PARD3B: variants seen among roughly 807,000 people sequenced by gnomAD.
PARD3B encodes the protein partitioning defective 3 homolog B.
A neutral mutation model predicts 130.2 loss-of-function variants in PARD3B; 103 were observed. That is an observed-to-expected ratio of 0.79 (90% CI 0.67 to 0.93). The LOEUF is 0.93. Ranked by LOEUF, PARD3B falls within the 40% of genes least tolerant of loss-of-function variation. PARD3B has a pLI of 0.00. For missense variants in PARD3B, 1,609 were observed against 1,499.2 expected (o/e 1.07, Z -1.21); for synonymous variants, 583 against 553.2 (o/e 1.05, Z -0.76).
rs181879326 is a variant in PARD3B at position 205,244,996 on chromosome 2, G to A, written c.2141-782G>A. Among the ~76,000 whole-genome samples the A allele has an allele frequency of 2.6e-5, 4 of 152,276 alleles. No homozygotes were observed. The East Asian group carries it at 7.7e-4, about 29-fold the overall frequency. Reference sequence around the variant, plus strand: ...TTTTCTTACACACATATGATCATCAGTATTCAACTACATATATGAGGAGAT... The same window carrying A: ...TTTTCTTACACACATATGATCATCAATATTCAACTACATATATGAGGAGAT... On this transcript the variant is annotated intron_variant, in intron 15 of 22. Coordinates refer to ENST00000406610, the MANE Select transcript of PARD3B (RefSeq NM_001302769.2). The surrounding 1 kb of genome is among the most constrained non-coding windows in gnomAD (Gnocchi z 4.7).
At chr2:204,733,695 T>C (rs1305894927) in intron 2 of PARD3B, among the ~76,000 whole-genome samples, 1 of 152,120 alleles carries the variant, frequency 6.6e-6, no homozygotes, top group Non-Finnish European at 1.5e-5. Flanking sequence ...GGTTAGAAGA[T>C]AGATCAATAA....
chr2:205,414,851 A>T (rs1438851136), intron 19 of PARD3B, among the ~76,000 whole-genome samples: 1 of 152,126 alleles, frequency 6.6e-6, no homozygotes, highest in Non-Finnish European at 1.5e-5. Context: ...AGGCACTTAA[A>T]GATATTTTCA....
chr2:204,816,216 C>G (rs75851755), intron 2 of PARD3B, among the ~76,000 whole-genome samples: 5 of 151,694 alleles, frequency 3.3e-5, no homozygotes, highest in Admixed American at 6.6e-5. Context: ...TGTTGTCGTA[C>G]GTATTACTTT....
chr2:204,601,770 G>A (rs1405493593), intron 1 of PARD3B, among the ~76,000 whole-genome samples: 1 of 151,916 alleles, frequency 6.6e-6, no homozygotes, highest in Non-Finnish European at 1.5e-5. Context: ...AAGACTAAAA[G>A]GCAAGTTCTG....
rs186298943 is a variant in PARD3B, at chr2:204,586,069, C to T, written c.120+39950C>T. Reference sequence around the variant, plus strand: ...ACCCAGTGGAGCTGAGCCTTGCCAGCCTGCTGTTATAACAGTAGCTCCCCT... The same window carrying T: ...ACCCAGTGGAGCTGAGCCTTGCCAGTCTGCTGTTATAACAGTAGCTCCCCT... On this transcript the variant is annotated intron_variant, in intron 1 of 22. Coordinates refer to ENST00000406610, the MANE Select transcript of PARD3B (RefSeq NM_001302769.2). Among the ~76,000 whole-genome samples the T allele has an allele frequency of 3.2e-3, 483 of 152,308 alleles. 5 individuals are homozygous for T. Among genetic ancestry groups the T allele is most frequent in the African/African-American group, 0.011 (454 of 41,562 alleles).
At chr2:204,643,576 G>A (rs983864069) in intron 1 of PARD3B, among the ~76,000 whole-genome samples, 2 of 151,986 alleles carry the variant, frequency 1.3e-5, no homozygotes, top group African/African-American at 2.4e-5. Flanking sequence ...ACACAGATTC[G>A]TAAACTGTCT....
chr2:204,572,947 G>T (rs777521499), intron 1 of PARD3B, among the ~76,000 whole-genome samples: 3 of 152,130 alleles, frequency 2.0e-5, no homozygotes, highest in Non-Finnish European at 4.4e-5. Context: ...TGGGAAATTG[G>T]GATTTCAGAA....
chr2:205,344,801 G>C (rs1233735331), intron 18 of PARD3B, among the ~76,000 whole-genome samples: 1 of 152,114 alleles, frequency 6.6e-6, no homozygotes, highest in Non-Finnish European at 1.5e-5. Flanking sequence ...GTGAAATTGC[G>C]TGGGTATAGC....
Position 205,104,422 on chromosome 2 carries a change from A to ATAG in PARD3B, c.505-3_505-1dup. The stretch of plus-strand genomic sequence containing the variant: ...CACATGCTTATGACTTTGTTTCACT[A>ATAG]TAGGATTCCACGCAGAACTTGGAAG... On this transcript the variant is annotated splice_region_variant and splice_polypyrimidine_tract_variant and intron_variant, in intron 4 of 22. Coordinates refer to ENST00000406610, the MANE Select transcript of PARD3B (RefSeq NM_001302769.2). The ATAG allele has an allele frequency of 6.3e-7, 1 of 1,578,932 alleles. No individual in the cohort carries two copies. Among genetic ancestry groups the ATAG allele is most frequent in the South Asian group, 1.1e-5 (1 of 90,226 alleles).
At chr2:204,930,796 C>G (rs934247687) in intron 2 of PARD3B, among the ~76,000 whole-genome samples, 3 of 152,082 alleles carry the variant, frequency 2.0e-5, no homozygotes, top group African/African-American at 7.2e-5. Context: ...TCAGACAGTT[C>G]TTTCTTCACT....
rs1472861221 is a variant in PARD3B, at chr2:204,613,130, TC to T, written c.120+67012del. Among the ~76,000 whole-genome samples, 4 of 152,198 alleles carry T rather than the reference TC, an allele frequency of 2.6e-5. No individual in the cohort carries two copies. In the East Asian group the frequency reaches 5.8e-4, roughly 22 times the overall value. The stretch of plus-strand genomic sequence containing the variant: ...TTTCTTTAAATATATTTCAGACATG[TC>T]TGGTCAATTTCTGGGAAAGGATTCT... On this transcript the variant is annotated intron_variant, in intron 1 of 22. Coordinates refer to ENST00000406610, the MANE Select transcript of PARD3B (RefSeq NM_001302769.2).
At chr2:205,569,983 A>G (rs1575389522) in intron 22 of PARD3B, among the ~76,000 whole-genome samples, 1 of 152,070 alleles carries the variant, frequency 6.6e-6, no homozygotes, top group South Asian at 2.1e-4. Context: ...GGTGATCAGA[A>G]CTCTAAGCAT....
At chr2:205,181,759 A>G (rs1188496970) in intron 13 of PARD3B, among the ~76,000 whole-genome samples, 3 of 152,232 alleles carry the variant, frequency 2.0e-5, no homozygotes, top group Non-Finnish European at 4.4e-5. Flanking sequence ...TAAAAAGAAG[A>G]GCCATTTGGC....
intron 22 of PARD3B, among the ~76,000 whole-genome samples, chr2:205,562,000 G>A (rs959976688): frequency 3.3e-5 from 5 of 152,144 alleles, no homozygotes; most frequent in Non-Finnish European, 7.3e-5. Flanking sequence ...TAAGGCCAAG[G>A]ACAAAATGAT....
At chr2:204,589,036 A>G (rs1033337194) in intron 1 of PARD3B, among the ~76,000 whole-genome samples, 1 of 152,094 alleles carries the variant, frequency 6.6e-6, no homozygotes, top group East Asian at 1.9e-4. Context: ...AAGACCCGAT[A>G]AATATTTTTA....
chr2:205,481,496 C>G lies in PARD3B; in HGVS notation c.3045-18400C>G, dbSNP rs149738238. On this transcript the variant is annotated intron_variant, in intron 20 of 22. Coordinates refer to ENST00000406610, the MANE Select transcript of PARD3B (RefSeq NM_001302769.2). ...CTGCCATGCTGCTATGAACCGGGCT[C>G]GTGGAAGAAGGAATGCAGGGGAGGC... 2.0e-4 allele frequency among the ~76,000 whole-genome samples: 30 copies of G among 152,174 alleles called. No homozygotes were observed. In the East Asian group the frequency reaches 5.4e-3, roughly 27 times the overall value.
At chr2:204,565,224 A>C (rs748490283) in intron 1 of PARD3B, among the ~76,000 whole-genome samples, 39 of 152,170 alleles carry the variant, frequency 2.6e-4, no homozygotes, top group Non-Finnish European at 4.7e-4. Context: ...CCAACTGCTT[A>C]CTTTATCCAG....
chr2:205,016,862 A>T (rs538363426), intron 3 of PARD3B, among the ~76,000 whole-genome samples: 1 of 152,170 alleles, frequency 6.6e-6, no homozygotes, highest in South Asian at 2.1e-4. Flanking sequence ...TTAAAATGTT[A>T]AAACAGTCTA....
intron 21 of PARD3B, among the ~76,000 whole-genome samples, chr2:205,524,147 A>G (rs891704157): frequency 2.0e-5 from 3 of 152,040 alleles, no homozygotes; most frequent in East Asian, 1.9e-4. Context: ...CGATATTCCA[A>G]TGTTTTACCT....
Sources: gnomAD v4.1 joint callset for allele counts (sites outside exome capture counted in the v4.1 genomes callset) on GRCh38, gnomAD v4.1.1 for gene constraint, Gnocchi (gnomAD v3.1) non-coding constraint, MANE v1.5 for transcripts, NCBI Gene and HGNC (gene_info 2026-07-23, HGNC 2026-07-21) for gene names.